Variants in DUSP16 observed in about 807,000 individuals in gnomAD.
The protein encoded by DUSP16 is dual specificity phosphatase 16.
DUSP16 carries 21 observed loss-of-function variants against 58.3 expected under a neutral mutation model. The observed-to-expected ratio is 0.36, with a 90% CI of 0.26 to 0.52. The LOEUF is 0.52. DUSP16 is among the 20% of genes least tolerant of loss of function. The pLI, the probability that DUSP16 is intolerant of heterozygous loss-of-function variation, is 0.94. For synonymous variants in DUSP16, 320 were observed against 323.8 expected (o/e 0.99, Z 0.12); for missense variants, 726 against 819.0 (o/e 0.89, Z 1.39).
At position 12,561,446 on chromosome 12, in the gene DUSP16, T is replaced by C. The variant is rs138458359; in HGVS notation, c.-366+671A>G. On this transcript the variant is annotated intron_variant, in intron 1 of 6. Transcript: ENST00000298573. ...AATATTTCCCTCTGTGGTGTTTCAT[T>C]ACATGAAACTACACGTGATACACAG... 7.6e-3 allele frequency among the ~76,000 whole-genome samples: 1,163 copies of C among 152,354 alleles called. 13 individuals carry two copies. The highest frequency in any genetic ancestry group is 0.026 in the African/African-American group (1,085 of 41,572).
intron 4 of DUSP16, among the ~76,000 whole-genome samples, chr12:12,493,134 CATCT>C (rs914101599): frequency 1.3e-4 from 20 of 152,130 alleles, no homozygotes; most frequent in Non-Finnish European, 2.6e-4. Flanking sequence ...TTCATACATC[CATCT>C]GTCTACTCAA....
chr12:12,497,360 C>A (rs1218609534), intron 4 of DUSP16, among the ~76,000 whole-genome samples: 1 of 152,086 alleles, frequency 6.6e-6, no homozygotes, highest in African/African-American at 2.4e-5. Context: ...AGATTTCAGT[C>A]CTTCGTAACA....
chr12:12,534,183 C>T (rs558459451), intron 1 of DUSP16, among the ~76,000 whole-genome samples: 2 of 152,284 alleles, frequency 1.3e-5, no homozygotes, highest in South Asian at 4.1e-4. Flanking sequence ...AAAGAAAGGG[C>T]GGCCAGGTAG....
At chr12:12,559,671 T>A (rs944458625) in intron 1 of DUSP16, among the ~76,000 whole-genome samples, 9 of 152,154 alleles carry the variant, frequency 5.9e-5, no homozygotes, top group Non-Finnish European at 1.0e-4. Context: ...ATTGAAAAAA[T>A]TTAATACTGG....
rs894327800 is a variant in DUSP16, at chr12:12,540,257, G to A, written c.-365-18794C>T. Among the ~76,000 whole-genome samples, 12 of 152,168 alleles carry A rather than the reference G, an allele frequency of 7.9e-5. No individual in the cohort carries two copies. In the South Asian group the frequency reaches 1.5e-3, roughly 18 times the overall value. ...CAAGGCTACTGGGGAGCTTGAGCCC[G>A]GGAGATAGAGGTTGCAGTGAGCTAT... On this transcript the variant is annotated intron_variant, in intron 1 of 6. Coordinates refer to ENST00000298573, the MANE Select transcript of DUSP16 (RefSeq NM_030640.3).
At chr12:12,500,997 A>T (rs1200967420) in intron 3 of DUSP16, among the ~76,000 whole-genome samples, 1 of 152,068 alleles carries the variant, frequency 6.6e-6, no homozygotes, top group Non-Finnish European at 1.5e-5. Context: ...TTTTTTTTGT[A>T]AAACATAAAG....
intron 3 of DUSP16, among the ~76,000 whole-genome samples, chr12:12,516,086 A>G (rs1305219097): frequency 6.8e-6 from 1 of 147,780 alleles, no homozygotes; most frequent in African/African-American, 2.5e-5. Flanking sequence ...AGTAATGGAG[A>G]ACTTTCTAAA....
chr12:12,529,128 T>G (rs766403455), intron 1 of DUSP16, among the ~76,000 whole-genome samples: 5 of 152,250 alleles, frequency 3.3e-5, no homozygotes, highest in Non-Finnish European at 7.3e-5. Context: ...TGTTGTTTTT[T>G]GAGACAGGGT....
intron 5 of DUSP16, among the ~76,000 whole-genome samples, chr12:12,486,507 TG>T (rs1565982298): frequency 2.2e-5 from 3 of 137,148 alleles, no homozygotes; most frequent in African/African-American, 2.5e-5. Flanking sequence ...TGTGTGTGTG[TG>T]TGTGTGTGTG....
At chr12:12,537,272 C>T (rs1361516154) in intron 1 of DUSP16, among the ~76,000 whole-genome samples, 2 of 152,116 alleles carry the variant, frequency 1.3e-5, no homozygotes, top group African/African-American at 2.4e-5. Context: ...TTTTAATACA[C>T]TATCATGACA....
Position 12,538,056 on chromosome 12 carries a change from C to T in DUSP16, c.-365-16593G>A, listed in dbSNP as rs544489716. Among the ~76,000 whole-genome samples, 12 of 152,232 alleles carry T rather than the reference C, an allele frequency of 7.9e-5. No individual in the cohort carries two copies. In the South Asian group the frequency reaches 2.3e-3, roughly 29 times the overall value. ...CCAGGCCCACCTCTGGAGATTGATT[C>T]GTGGGTCTAGAGTGGAACCTGTGAA... On this transcript the variant is annotated intron_variant, in intron 1 of 6. Coordinates refer to ENST00000298573, the MANE Select transcript of DUSP16 (RefSeq NM_030640.3).
At chr12:12,483,428 T>G (rs1291102173) in intron 5 of DUSP16, among the ~76,000 whole-genome samples, 1 of 152,164 alleles carries the variant, frequency 6.6e-6, no homozygotes. Context: ...ATTATCTATT[T>G]TAATCCTCAC....
At chr12:12,559,374 T>C (rs985841986) in intron 1 of DUSP16, among the ~76,000 whole-genome samples, 10 of 152,250 alleles carry the variant, frequency 6.6e-5, no homozygotes, top group African/African-American at 2.2e-4. Context: ...TCTGTTGAAA[T>C]CTGTCATAAA....
intron 4 of DUSP16, chr12:12,491,108 GAAAGTTTCT>G (rs1943754439): frequency 6.6e-6 from 1 of 151,992 alleles, no homozygotes; most frequent in Non-Finnish European, 1.5e-5. Context: ...AGTCAGTTAA[GAAAGTTTCT>G]AAAGTTTCAT....
chr12:12,486,673 A>G (rs149918168), intron 5 of DUSP16, among the ~76,000 whole-genome samples: 3 of 152,338 alleles, frequency 2.0e-5, no homozygotes, highest in African/African-American at 7.2e-5. Flanking sequence ...AGGGAATATT[A>G]CCAAAGTTTC....
intron 4 of DUSP16, among the ~76,000 whole-genome samples, chr12:12,487,663 G>C (rs910309872): frequency 6.6e-6 from 1 of 151,662 alleles, no homozygotes; most frequent in Non-Finnish European, 1.5e-5. Flanking sequence ...TGCTGATGGC[G>C]TGTGTGTGTG....
chr12:12,530,802 T>C (rs1944371954), intron 1 of DUSP16, among the ~76,000 whole-genome samples: 1 of 152,186 alleles, frequency 6.6e-6, no homozygotes, highest in Non-Finnish European at 1.5e-5. Flanking sequence ...ACATGGAATG[T>C]AGTAAAATAT....
At chr12:12,506,124 C>A (rs1592181344) in intron 3 of DUSP16, 1 of 152,290 alleles carries the variant, frequency 6.6e-6, no homozygotes, top group Admixed American at 6.5e-5. Flanking sequence ...ACTCCAGTTT[C>A]GTTTCATTAA....
intron 3 of DUSP16, among the ~76,000 whole-genome samples, chr12:12,519,619 T>G (rs1408503967): frequency 1.3e-5 from 2 of 152,212 alleles, no homozygotes; most frequent in Admixed American, 6.5e-5. Flanking sequence ...CAAATCTATG[T>G]GGCACTACCA....
Sources: gnomAD v4.1 joint callset for allele counts (sites outside exome capture counted in the v4.1 genomes callset) on GRCh38, gnomAD v4.1.1 for gene constraint, MANE v1.5 for transcripts, NCBI Gene and HGNC (gene_info 2026-07-23, HGNC 2026-07-21) for gene names.